NUP214: variants seen among roughly 807,000 people sequenced by gnomAD.
The protein encoded by NUP214 is nuclear pore complex protein Nup214.
Under a neutral mutation model 196.2 loss-of-function variants are expected in NUP214, and 79 were observed. The observed-to-expected ratio is 0.40, with a 90% CI of 0.34 to 0.49. The LOEUF (loss-of-function observed/expected upper bound fraction) is 0.49, where lower values mean the gene tolerates loss of function less well. Among genes scored for constraint, NUP214 ranks in the 20% least tolerant of loss-of-function variants. NUP214 has a pLI of 0.58. For missense variants in NUP214, 2,468 were observed against 2,539.0 expected (o/e 0.97, Z 0.60); for synonymous variants, 1,020 against 990.5 (o/e 1.03, Z -0.56).
rs780474210 is a variant in NUP214, at chr9:131,198,557, A to C, written c.5063A>C (p.Gln1688Pro). 6.2e-7 allele frequency: 1 copy of C among 1,614,244 alleles called. No homozygotes were observed. The highest frequency in any genetic ancestry group is 2.2e-5 in the East Asian group (1 of 44,878). Residue 1688 changes from glutamine (Q) to proline (P), a missense_variant, in exon 29 of 36, where the codon CAG (glutamine) becomes CCG (proline). This residue lies in a region of NUP214 where 1,801 missense variants were observed against 1,779.4 expected (regional missense o/e 1.01). Coordinates refer to ENST00000359428, the MANE Select transcript of NUP214 (RefSeq NM_005085.4). ...AGCACCGCACCAAGTCTGTTTGGGC[A>C]GCAGACTGGTAGCACAGCCAGCACA... Reference protein sequence around the residue: ...AASTAPSLFGQQTGSTASTAA... With the variant: ...AASTAPSLFGPQTGSTASTAA...
chr9:131,130,132 G>GTT lies in NUP214; in HGVS notation c.593-631_593-630dup, dbSNP rs1245763919. Among the ~76,000 whole-genome samples, 25 of 46,594 alleles carry GTT rather than the reference G, an allele frequency of 5.4e-4. 1 individual carries two copies. The highest frequency in any genetic ancestry group is 1.3e-3 in the African/African-American group (18 of 14,138). 30.6% of individuals were successfully genotyped at this position (46,594 alleles called of 152,430 possible). On this transcript the variant is annotated intron_variant, in intron 4 of 35. Coordinates refer to ENST00000359428, the MANE Select transcript of NUP214 (RefSeq NM_005085.4). ...AATGGGAGCAGGAGAATGATTTCTG[G>GTT]TTTTGTTTTTTTTTTTTTGTTTTTT...
chr9:131,198,769 C>T lies in NUP214; in HGVS notation c.5275C>T (p.Pro1759Ser). ...CAGTTCCGTGCCTGCCTTCGGTCAG[C>T]CTGCTTCCTCCACTCCCACATCCAC... The part of the protein sequence containing the change: ...GFSSVPAFGQ[P>S]ASSTPTSTSG... Residue 1759 changes from proline (P) to serine (S), a missense_variant, in exon 29 of 36, where the codon CCT becomes TCT. Physicochemically the swap from Pro to Ser is moderately conservative, Grantham distance 74. Transcript: ENST00000359428. 6.2e-7 allele frequency: 1 copy of T among 1,614,246 alleles called. No homozygotes were observed. Among genetic ancestry groups the T allele is most frequent in the Non-Finnish European group, 8.5e-7 (1 of 1,180,052 alleles).
At chr9:131,195,360 C>A in intron 28 of NUP214, 66 bp downstream of exon 28, 2 of 1,301,058 alleles carry the variant, frequency 1.5e-6, no homozygotes, top group Non-Finnish European at 2.2e-6. Flanking sequence ...GTTATTTTTG[C>A]CCACATGTTA....
At chr9:131,159,360 G>C in intron 17 of NUP214, 23 bp from the exon 18 acceptor site, 1 of 1,567,526 alleles carries the variant, frequency 6.4e-7, no homozygotes, top group Non-Finnish European at 8.8e-7. Context: ...CAAGTTATTT[G>C]CCTTTTAATT....
chr9:131,154,844 CGCACGCGCACGCTCGCGTGTGT>C (rs1832386951), intron 17 of NUP214, among the ~76,000 whole-genome samples: 1 of 151,752 alleles, frequency 6.6e-6, no homozygotes, highest in African/African-American at 2.4e-5. Context: ...TGTGTGTGTG[CGCACGCGCACGCTCGCGTGTGT>C]GTCACATTTT....
Position 131,133,188 on chromosome 9 carries a change from T to G in NUP214, c.810T>G (p.Asp270Glu). The G allele has an allele frequency of 6.3e-7, 1 of 1,588,508 alleles. No homozygotes were observed. The highest frequency in any genetic ancestry group is 1.4e-5 in the African/African-American group (1 of 72,918). Residue 270 changes from aspartate (D) to glutamate (E), a missense_variant, in exon 7 of 36, where the codon GAT (aspartate) becomes GAG (glutamate). By Grantham distance (45) the Asp-to-Glu change is conservative. This residue lies in a region of NUP214 where 392 missense variants were observed against 417.9 expected (regional missense o/e 0.94). Coordinates refer to ENST00000359428, the MANE Select transcript of NUP214 (RefSeq NM_005085.4). ...AADGTLETSP[D>E]VVMALLPKKE... Reference sequence around the variant, plus strand: ...ATGGGACCCTGGAAACGTCTCCAGATGTGGTGATGGCTCTACTACCGGTAT... The same window carrying G: ...ATGGGACCCTGGAAACGTCTCCAGAGGTGGTGATGGCTCTACTACCGGTAT...
chr9:131,187,713 G>A (rs528957146), intron 25 of NUP214, among the ~76,000 whole-genome samples: 35 of 152,244 alleles, frequency 2.3e-4, no homozygotes, highest in African/African-American at 6.3e-4. Context: ...CATTCATGCC[G>A]TGTCTGTCTT....
intron 7 of NUP214, 38 bp downstream of exon 7, chr9:131,133,247 G>A (rs776321627): frequency 7.8e-7 from 1 of 1,275,424 alleles, no homozygotes; most frequent in Admixed American, 2.6e-5. Flanking sequence ...TTGAGAATTA[G>A]AGAAGTCTTC....
intron 29 of NUP214, among the ~76,000 whole-genome samples, chr9:131,199,290 TC>T (rs1833882556): frequency 6.6e-6 from 1 of 152,166 alleles, no homozygotes; most frequent in African/African-American, 2.4e-5. Flanking sequence ...AAATCAAGCA[TC>T]TTTAGTTGAG....
chr9:131,206,732 A>C (rs1834099173), intron 30 of NUP214, among the ~76,000 whole-genome samples: 1 of 152,230 alleles, frequency 6.6e-6, no homozygotes, highest in Non-Finnish European at 1.5e-5. Flanking sequence ...GGCATGAGAC[A>C]CCATACCTGG....
In NUP214 at chr9:131,221,464, G is replaced by A. The variant is rs181879706; in HGVS notation, c.5750-1314G>A. Among the ~76,000 whole-genome samples, 7 of 152,296 alleles carry A rather than the reference G, an allele frequency of 4.6e-5. No homozygotes were observed. The East Asian group carries it at 5.8e-4, about 13-fold the overall frequency. On this transcript the variant is annotated intron_variant, in intron 31 of 35. Coordinates refer to ENST00000359428, the MANE Select transcript of NUP214 (RefSeq NM_005085.4). ...TGGATTAAGAGCATTGCATCTGGAC[G>A]TATTAACCATGGTGGCTCTCCTATT...
chr9:131,221,412 A>G (rs1834552141), intron 31 of NUP214, among the ~76,000 whole-genome samples: 2 of 152,146 alleles, frequency 1.3e-5, no homozygotes, highest in African/African-American at 4.8e-5. Flanking sequence ...CTGGGTCCCA[A>G]AGTGAGGCCA....
Position 131,197,778 on chromosome 9 carries a change from T to G in NUP214, c.4284T>G (p.Gly1428=), listed in dbSNP as rs1197306304. 1 of 1,614,178 alleles carries G rather than the reference T, an allele frequency of 6.2e-7. No individual in the cohort carries two copies. The highest frequency in any genetic ancestry group is 8.5e-7 in the Non-Finnish European group (1 of 1,180,034). ...GATCCTCTGGGGTCATCAGTTTTGG[T>G]GGGACATCTCTAAGTGCTGGCAAGA... ...SAGSSGVISF[G]GTSLSAGKTS... Residue 1428 remains glycine, a synonymous_variant, in exon 29 of 36, where the codon GGT becomes GGG. Coordinates refer to ENST00000359428, the MANE Select transcript of NUP214 (RefSeq NM_005085.4).
chr9:131,157,926 A>G (rs1832508359), intron 17 of NUP214, among the ~76,000 whole-genome samples: 1 of 152,132 alleles, frequency 6.6e-6, no homozygotes, highest in Non-Finnish European at 1.5e-5. Flanking sequence ...GATTACAGGC[A>G]TGAGCCACTG....
At chr9:131,172,754 A>G (rs1009757742) in intron 21 of NUP214, among the ~76,000 whole-genome samples, 10 of 152,224 alleles carry the variant, frequency 6.6e-5, no homozygotes, top group Admixed American at 1.3e-4. Flanking sequence ...AGCACATAGC[A>G]TTGGTTTTTA....
rs1834945334 is a variant in NUP214, at chr9:131,233,891, C to G, written c.*404C>G. On this transcript the variant is annotated 3_prime_UTR_variant, in exon 36 of 36. Transcript: ENST00000359428. ...GGTCTCACTTGGACCTAGCGCCCTC[C>G]ACATAGGGAAGAGGTTGAATGCTGG... 3.2e-6 allele frequency: 1 copy of G among 307,884 alleles called. No homozygotes were observed. The highest frequency in any genetic ancestry group is 6.2e-6 in the Non-Finnish European group (1 of 161,114). 19.1% of individuals were successfully genotyped at this position (307,884 alleles called of 1,614,324 possible). A position where few individuals can be genotyped will look rare whatever the true frequency, so the allele number is the denominator to read the frequency against.
intron 25 of NUP214, among the ~76,000 whole-genome samples, chr9:131,188,182 T>A (rs1202740537): frequency 6.6e-6 from 1 of 152,250 alleles, no homozygotes; most frequent in Non-Finnish European, 1.5e-5. Flanking sequence ...GTCTGGGGTA[T>A]AGGTTATCTG....
intron 31 of NUP214, among the ~76,000 whole-genome samples, chr9:131,219,651 C>G (rs1834502629): frequency 6.6e-6 from 1 of 152,204 alleles, no homozygotes; most frequent in Non-Finnish European, 1.5e-5. Context: ...GATTGTTACC[C>G]ATAAGGACCT....
chr9:131,147,646 T>C (rs754956300), intron 14 of NUP214, 62 bp downstream of exon 14: 7 of 1,184,522 alleles, frequency 5.9e-6, no homozygotes, highest in Non-Finnish European at 1.3e-6. Flanking sequence ...AGCATACCTA[T>C]GAATAAAATG....
Sources: gnomAD v4.1 joint callset for allele counts (sites outside exome capture counted in the v4.1 genomes callset) on GRCh38, gnomAD v4.1.1 for gene constraint, gnomAD v4.1.1 regional missense constraint, MANE v1.5 for transcripts, NCBI Gene and HGNC (gene_info 2026-07-23, HGNC 2026-07-21) for gene names.